The following CPLANE1 variants were observed in gnomAD, a reference collection of about 807,000 sequenced individuals.
CPLANE1 encodes the protein ciliogenesis and planar polarity effector complex subunit 1.
Under a neutral mutation model 362.5 loss-of-function variants are expected in CPLANE1, and 263 were observed. That is an observed-to-expected ratio of 0.73 (90% CI 0.66 to 0.80). CPLANE1 has a LOEUF of 0.80. CPLANE1 is among the 30% of genes least tolerant of loss of function. The probability of loss-of-function intolerance (pLI) is 0.00; values close to 1 mark genes in which losing one functional copy is unlikely to be tolerated. For missense variants in CPLANE1, 3,461 were observed against 3,793.4 expected (o/e 0.91, Z 2.30); for synonymous variants, 1,212 against 1,302.6 (o/e 0.93, Z 1.50).
chr5:37,097,064 C>T, the CPLANE1 span, among the ~76,000 whole-genome samples: 3 of 151,986 alleles, frequency 2.0e-5, no homozygotes, highest in Admixed American at 1.3e-4. Flanking sequence ...AGCATAAAAA[C>T]ACGGACAGGC....
chr5:37,245,499 T>C lies in CPLANE1; in HGVS notation c.317A>G (p.Glu106Gly). 6.7e-7 allele frequency: 1 copy of C among 1,488,358 alleles called. No individual in the cohort carries two copies. The highest frequency in any genetic ancestry group is 9.0e-7 in the Non-Finnish European group (1 of 1,116,184). 92.2% of individuals were successfully genotyped at this position (1,488,358 alleles called of 1,614,324 possible). Residue 106 changes from glutamate to glycine, a missense_variant, in exon 4 of 53, where the codon GAA becomes GGA. Glu to Gly is a moderately conservative substitution (Grantham distance 98, BLOSUM62 -2). This residue lies in a region of CPLANE1 where 3,380 missense variants were observed against 3,666.1 expected (regional missense o/e 0.92). Transcript: ENST00000651892. The stretch of plus-strand genomic sequence containing the variant: ...CCCACCGACTGTAGCTTTGATCATT[T>C]CCTTAGGCTTTTCAGTTATTGGTAT... ...KTIPITEKPK[E>G]MIKATVASSL...
rs536461045 is a variant in CPLANE1 at position 37,183,233 on chromosome 5, A to G, written c.4948T>C (p.Ser1650Pro). Residue 1650 changes from serine (S) to proline (P), a missense_variant, in exon 26 of 53, where the codon TCA becomes CCA. Coordinates refer to ENST00000651892, the MANE Select transcript of CPLANE1 (RefSeq NM_001384732.1). ...MHLENQKLSS[S>P]VLVNQGIKPF... The stretch of plus-strand genomic sequence containing the variant: ...TTGATCCCTTGATTAACCAGTACTG[A>G]TGATGAAAGTTTCTGGTTTTCTAAA... 15 of 1,612,058 alleles carry G rather than the reference A, an allele frequency of 9.3e-6. No homozygotes were observed. The East Asian group carries it at 3.1e-4, about 34-fold the overall frequency.
At chr5:37,199,290 C>A (rs562992976) in intron 19 of CPLANE1, among the ~76,000 whole-genome samples, 1 of 152,052 alleles carries the variant, frequency 6.6e-6, no homozygotes. Flanking sequence ...CCCAGTCTTA[C>A]GCTAGAACAG....
At chr5:37,240,875 C>T (rs566335082) in intron 6 of CPLANE1, among the ~76,000 whole-genome samples, 21 of 152,260 alleles carry the variant, frequency 1.4e-4, no homozygotes, top group African/African-American at 4.8e-4. Flanking sequence ...TTTGGATAAA[C>T]GTATTTCTAC....
At chr5:37,145,044 G>A (rs953601966) in intron 43 of CPLANE1, among the ~76,000 whole-genome samples, 34 of 151,966 alleles carry the variant, frequency 2.2e-4, no homozygotes, top group African/African-American at 7.2e-4. Flanking sequence ...GGTGGCTCAC[G>A]CCTGTAATCC....
intron 21 of CPLANE1, among the ~76,000 whole-genome samples, chr5:37,191,048 A>G (rs1785410711): frequency 6.6e-6 from 1 of 152,196 alleles, no homozygotes. Flanking sequence ...AGGCATTGTT[A>G]TAAGAGAAGA....
intron 30 of CPLANE1, among the ~76,000 whole-genome samples, chr5:37,176,532 C>T (rs1325941263): frequency 1.3e-5 from 2 of 151,830 alleles, no homozygotes; most frequent in African/African-American, 4.8e-5. Flanking sequence ...CAGCAAGACC[C>T]TGTTTCCAAA....
chr5:37,131,734 G>A (rs142585626), intron 46 of CPLANE1, among the ~76,000 whole-genome samples: 159 of 152,158 alleles, frequency 1.0e-3, no homozygotes, highest in African/African-American at 3.6e-3. Context: ...GTTTTGTCAC[G>A]TTGGACAGGC....
intron 6 of CPLANE1, among the ~76,000 whole-genome samples, chr5:37,240,697 C>T (rs1800195972): frequency 6.6e-6 from 1 of 152,130 alleles, no homozygotes; most frequent in African/African-American, 2.4e-5. Flanking sequence ...ATTTTCAACA[C>T]GAGACTTGGA....
intron 20 of CPLANE1, among the ~76,000 whole-genome samples, chr5:37,196,455 AGGCAAGGAT>A (rs1787479503): frequency 6.6e-6 from 1 of 152,214 alleles, no homozygotes; most frequent in African/African-American, 2.4e-5. Flanking sequence ...TAATGACTCT[AGGCAAGGAT>A]CATTAGTAAA....
At position 37,142,444 on chromosome 5, in the gene CPLANE1, C is replaced by G. The variant is rs766198617; in HGVS notation, c.8498G>C (p.Ser2833Thr). 6.2e-7 allele frequency: 1 copy of G among 1,605,334 alleles called. No individual in the cohort carries two copies. The highest frequency in any genetic ancestry group is 1.1e-5 in the South Asian group (1 of 89,538). Reference protein sequence around the residue: ...FLTHMDEEDQSDKKETSEPEF... With the variant: ...FLTHMDEEDQTDKKETSEPEF... ...AGGTTCTGAAGTCTCCTTTTTGTCACTTTGATCTTCTTCATCCATATGGGT... is the reference window on the plus strand; with the variant it reads ...AGGTTCTGAAGTCTCCTTTTTGTCAGTTTGATCTTCTTCATCCATATGGGT... The change falls in exon 44 of 53, where the codon AGT (serine) becomes ACT (threonine). Residue 2833 changes from serine (S) to threonine (T), a missense_variant. Coordinates refer to ENST00000651892, the MANE Select transcript of CPLANE1 (RefSeq NM_001384732.1).
chr5:37,157,934 A>G (rs1004445481), intron 39 of CPLANE1, 66 bp from the exon 40 acceptor site: 9 of 255,608 alleles, frequency 3.5e-5, no homozygotes, highest in Admixed American at 6.4e-5. Context: ...CACTCCGCCA[A>G]AAAAAAAAAA....
At chr5:37,161,774 T>C (rs972473210) in intron 38 of CPLANE1, among the ~76,000 whole-genome samples, 1 of 152,188 alleles carries the variant, frequency 6.6e-6, no homozygotes, top group African/African-American at 2.4e-5. Context: ...CAAACCGTTA[T>C]TGCTAAGTGG....
intron 36 of CPLANE1, 47 bp from the exon 37 acceptor site, chr5:37,164,374 G>A (rs761038544): frequency 1.4e-6 from 2 of 1,437,322 alleles, no homozygotes; most frequent in South Asian, 1.2e-5. Context: ...TCAAAGATGT[G>A]TATTATTTTT....
At chr5:37,079,580 A>T in the CPLANE1 span, among the ~76,000 whole-genome samples, 4 of 152,178 alleles carry the variant, frequency 2.6e-5, no homozygotes, top group African/African-American at 7.2e-5. Flanking sequence ...CCCAATTTCC[A>T]AACCAATCTT....
At chr5:37,188,340 A>G (rs12652882) in intron 21 of CPLANE1, among the ~76,000 whole-genome samples, 27,711 of 152,154 alleles carry the variant, frequency 0.18, 3,000 homozygotes, top group East Asian at 0.38. Context: ...GCTAATCTTA[A>G]ATTTCTATTA....
rs183742074 is a variant in CPLANE1, at chr5:37,168,736, A to G, written c.7233+55T>C. ...TCAGTGACCATACAGTACTTATGGTATGAAAAAAATAGTGCAGGACACTGC... is the reference window on the plus strand; with the variant it reads ...TCAGTGACCATACAGTACTTATGGTGTGAAAAAAATAGTGCAGGACACTGC... On this transcript the variant is annotated intron_variant, in intron 34 of 52. Coordinates refer to ENST00000651892, the MANE Select transcript of CPLANE1 (RefSeq NM_001384732.1). The G allele has an allele frequency of 8.4e-6, 12 of 1,429,068 alleles. No individual in the cohort carries two copies. In the African/African-American group the frequency reaches 1.1e-4, roughly 14 times the overall value. The allele number at this position is 1,429,068 out of a possible 1,614,324, so 88.5% of individuals were successfully genotyped here.
chr5:37,164,638 C>A (rs944479326), intron 36 of CPLANE1, among the ~76,000 whole-genome samples: 2 of 152,190 alleles, frequency 1.3e-5, no homozygotes, highest in African/African-American at 4.8e-5. Flanking sequence ...TGTCAAAAAT[C>A]TTTCATGGAC....
Position 37,173,869 on chromosome 5 carries a change from T to C in CPLANE1, c.6057A>G (p.Gln2019=), listed in dbSNP as rs938358328. The C allele has an allele frequency of 5.0e-6, 8 of 1,613,984 alleles. No individual in the cohort carries two copies. The African/African-American group carries it at 6.7e-5, about 13-fold the overall frequency. Residue 2019 remains glutamine (Q), a synonymous_variant, in exon 32 of 53, where the codon CAA becomes CAG. Transcript: ENST00000651892. ...TCTTCTGAGGTGTTGGAGCAGGTGG[T>C]TGTGAAGCAACATTGACTCCATTTG... is the stretch of plus-strand genomic sequence containing the variant. ...LISNGVNVAS[Q]PPAPTPQKTQ...
Sources: allele counts gnomAD v4.1 joint callset (sites outside exome capture counted in the v4.1 genomes callset), GRCh38; gene constraint gnomAD v4.1.1; regional missense constraint gnomAD v4.1.1; transcripts MANE v1.5; gene names NCBI Gene and HGNC (gene_info 2026-07-23, HGNC 2026-07-21).